The following MAP2K1 variants were observed in gnomAD, a reference collection of about 807,000 sequenced individuals.
MAP2K1 encodes the protein mitogen-activated protein kinase kinase 1, also known as dual specificity mitogen-activated protein kinase kinase 1.
In MAP2K1, 16 loss-of-function variants were observed where a neutral mutation model predicts 46.3. The observed-to-expected ratio is 0.35, with a 90% CI of 0.23 to 0.52. MAP2K1 has a LOEUF of 0.52. Among genes scored for constraint, MAP2K1 ranks in the 20% least tolerant of loss-of-function variants. MAP2K1 has a pLI of 0.94. For missense variants in MAP2K1, 263 were observed against 497.1 expected (o/e 0.53, Z 4.48); for synonymous variants, 183 against 185.6 (o/e 0.99, Z 0.11).
At chr15:66,413,317 TCTC>T (rs1180557427) in intron 1 of MAP2K1, among the ~76,000 whole-genome samples, 8 of 152,166 alleles carry the variant, frequency 5.3e-5, no homozygotes, top group African/African-American at 1.9e-4. Context: ...GCTTGACTCT[TCTC>T]CTCTTGGTGC....
chr15:66,441,373 G>C (rs1016268929), intron 3 of MAP2K1, among the ~76,000 whole-genome samples: 1 of 152,170 alleles, frequency 6.6e-6, no homozygotes, highest in African/African-American at 2.4e-5. Flanking sequence ...TTTAGGGTCA[G>C]TTGAGAGGTA....
intron 1 of MAP2K1, among the ~76,000 whole-genome samples, chr15:66,414,330 T>C (rs2093419477): frequency 1.7e-5 from 2 of 118,548 alleles, no homozygotes; most frequent in African/African-American, 2.8e-5. Context: ...GTTTTCACTA[T>C]CCTCTCAGGT....
At chr15:66,480,399 A>G (rs1285823261) in intron 5 of MAP2K1, among the ~76,000 whole-genome samples, 3 of 151,966 alleles carry the variant, frequency 2.0e-5, no homozygotes, top group African/African-American at 2.4e-5. Context: ...TTGTTTTTCA[A>G]TTTGTCCTTG....
At chr15:66,387,555 C>T in intron 1 of MAP2K1, 128 bp downstream of exon 1, 3 of 917,772 alleles carry the variant, frequency 3.3e-6, no homozygotes, top group Non-Finnish European at 5.1e-6. Flanking sequence ...GCGAGAAACT[C>T]CCGGCCGCCG....
intron 5 of MAP2K1, among the ~76,000 whole-genome samples, chr15:66,466,504 C>G (rs1317370819): frequency 1.3e-5 from 2 of 150,888 alleles, no homozygotes; most frequent in African/African-American, 4.9e-5. Context: ...CATGGTGAAA[C>G]CCCATCTCTA....
At chr15:66,426,935 G>T (rs778160795) in intron 1 of MAP2K1, among the ~76,000 whole-genome samples, 8 of 152,180 alleles carry the variant, frequency 5.3e-5, no homozygotes, top group Non-Finnish European at 1.2e-4. Context: ...AGCTTCTCGT[G>T]TTATATGGTT....
intron 1 of MAP2K1, among the ~76,000 whole-genome samples, chr15:66,428,468 C>T (rs1467420151): frequency 1.3e-5 from 2 of 152,084 alleles, no homozygotes; most frequent in Non-Finnish European, 2.9e-5. Context: ...AGGCAGGCTA[C>T]CAGCAGAATT....
intron 5 of MAP2K1, among the ~76,000 whole-genome samples, chr15:66,448,252 A>T (rs547690791): frequency 9.2e-5 from 14 of 152,024 alleles, no homozygotes; most frequent in Non-Finnish European, 1.8e-4. Flanking sequence ...TACTCTAGGT[A>T]CCTCATATGA....
intron 1 of MAP2K1, among the ~76,000 whole-genome samples, chr15:66,420,594 G>A (rs758076406): frequency 2.0e-5 from 3 of 150,544 alleles, no homozygotes; most frequent in Admixed American, 6.6e-5. Context: ...TGGGGAAGCC[G>A]ATTGAAAAGG....
intron 5 of MAP2K1, among the ~76,000 whole-genome samples, chr15:66,462,496 CAAA>C (rs551065737): frequency 6.9e-5 from 5 of 72,888 alleles, no homozygotes; most frequent in Non-Finnish European, 2.9e-5. Context: ...GACTCTGTCT[CAAA>C]AAAAAAAAAA....
chr15:66,489,691 C>G, intron 9 of MAP2K1, 27 bp from the exon 10 acceptor site: 1 of 1,599,768 alleles, frequency 6.3e-7, no homozygotes, highest in Non-Finnish European at 8.6e-7. Flanking sequence ...CAGGCAACAG[C>G]TCTTACCTTG....
intron 1 of MAP2K1, among the ~76,000 whole-genome samples, chr15:66,395,278 C>T (rs1257744618): frequency 1.3e-5 from 2 of 152,088 alleles, no homozygotes; most frequent in Non-Finnish European, 2.9e-5. Context: ...AGAATTATAA[C>T]AATATATTGT....
intron 5 of MAP2K1, among the ~76,000 whole-genome samples, chr15:66,449,263 T>A (rs1229958751): frequency 1.3e-5 from 2 of 152,172 alleles, no homozygotes; most frequent in Non-Finnish European, 2.9e-5. Flanking sequence ...TACATTTTAG[T>A]GTATTCAAAC....
intron 1 of MAP2K1, among the ~76,000 whole-genome samples, chr15:66,414,201 T>TTTG (rs1247496617): frequency 0.014 from 2,043 of 149,178 alleles, 153 homozygotes; most frequent in Middle Eastern, 0.031. Context: ...CTACCCAGAG[T>TTTG]CAGGCAGACC....
intron 1 of MAP2K1, among the ~76,000 whole-genome samples, chr15:66,388,408 A>G (rs929572305): frequency 1.3e-5 from 2 of 152,174 alleles, no homozygotes; most frequent in Non-Finnish European, 1.5e-5. Context: ...CCAACCTTCA[A>G]TAAGGATTGG....
chr15:66,443,301 G>A lies in MAP2K1; in HGVS notation c.460G>A (p.Val154Ile). 6.2e-7 allele frequency: 1 copy of A among 1,611,974 alleles called. No homozygotes were observed. The highest frequency in any genetic ancestry group is 8.5e-7 in the Non-Finnish European group (1 of 1,178,124). The change falls in exon 4 of 11, where the codon GTC (valine) becomes ATC (isoleucine). Residue 154 changes from valine to isoleucine, a missense_variant. Transcript: ENST00000307102. ...EHMDGGSLDQ[V>I]LKKAGRIPEQ... Reference sequence around the variant, plus strand: ...TTAGGATGGAGGTTCTCTGGATCAAGTCCTGAAGAAAGCTGGAAGAATTCC... The same window carrying A: ...TTAGGATGGAGGTTCTCTGGATCAAATCCTGAAGAAAGCTGGAAGAATTCC...
At chr15:66,398,266 AT>A in intron 1 of MAP2K1, among the ~76,000 whole-genome samples, 1 of 151,692 alleles carries the variant, frequency 6.6e-6, no homozygotes, top group Non-Finnish European at 1.5e-5. Context: ...AAATACAAAA[AT>A]TAGCCAGATG....
chr15:66,465,225 G>A (rs1237377119), intron 5 of MAP2K1, among the ~76,000 whole-genome samples: 1 of 152,090 alleles, frequency 6.6e-6, no homozygotes, highest in Non-Finnish European at 1.5e-5. Context: ...CTCAGACACC[G>A]AGTTAAAGAA....
intron 5 of MAP2K1, among the ~76,000 whole-genome samples, chr15:66,454,374 T>G (rs1168871201): frequency 6.6e-6 from 1 of 152,258 alleles, no homozygotes; most frequent in African/African-American, 2.4e-5. Context: ...ATGAGTCATT[T>G]AACTTCTCCA....
Sources: gnomAD v4.1 joint callset for allele counts (sites outside exome capture counted in the v4.1 genomes callset) on GRCh38, gnomAD v4.1.1 for gene constraint, MANE v1.5 for transcripts, NCBI Gene and HGNC (gene_info 2026-07-23, HGNC 2026-07-21) for gene names.